ASAP1: variants seen among roughly 807,000 people sequenced by gnomAD.
ASAP1 encodes ArfGAP with SH3 domain, ankyrin repeat and PH domain 1, also known as arf-GAP with SH3 domain, ANK repeat and PH domain-containing protein 1.
In ASAP1, 43 loss-of-function variants were observed where a neutral mutation model predicts 145.2. That is an observed-to-expected ratio of 0.30 (90% CI 0.23 to 0.38). ASAP1 has a LOEUF of 0.38. Among genes scored for constraint, ASAP1 ranks in the 10% least tolerant of loss-of-function variants. ASAP1 has a pLI of 1.00. For missense variants in ASAP1, 1,018 were observed against 1,355.3 expected (o/e 0.75, Z 3.91); for synonymous variants, 546 against 515.5 (o/e 1.06, Z -0.80).
chr8:130,352,529 A>G (rs1230665312), intron 3 of ASAP1, among the ~76,000 whole-genome samples: 2 of 152,198 alleles, frequency 1.3e-5, no homozygotes, highest in Non-Finnish European at 2.9e-5. Context: ...TGAAACTTAA[A>G]TGGAAGGTGA....
At chr8:130,054,926 C>T in intron 29 of ASAP1, 121 bp from the exon 30 acceptor site, 2 of 760,500 alleles carry the variant, frequency 2.6e-6, no homozygotes, top group Admixed American at 1.9e-5. Flanking sequence ...CCCAGGCTTA[C>T]CCTTCTTCCC....
chr8:130,351,498 G>GT (rs1475176880), intron 3 of ASAP1, among the ~76,000 whole-genome samples: 2 of 152,150 alleles, frequency 1.3e-5, no homozygotes, highest in African/African-American at 4.8e-5. Flanking sequence ...CTGAGACTGG[G>GT]TAATTTATAA....
chr8:130,425,922 A>G (rs1490175713), intron 1 of ASAP1, among the ~76,000 whole-genome samples: 2 of 152,156 alleles, frequency 1.3e-5, no homozygotes, highest in African/African-American at 4.8e-5. Context: ...GAAGAAATCC[A>G]TACTTTCAGA....
chr8:130,129,405 T>C (rs1224036525), intron 15 of ASAP1, among the ~76,000 whole-genome samples: 2 of 152,248 alleles, frequency 1.3e-5, no homozygotes, highest in African/African-American at 2.4e-5. Flanking sequence ...GATAGAGGAA[T>C]TGCCCGACTT....
chr8:130,148,163 T>C (rs2097637244), intron 13 of ASAP1, among the ~76,000 whole-genome samples: 1 of 152,158 alleles, frequency 6.6e-6, no homozygotes, highest in South Asian at 2.1e-4. Context: ...GCAGTTCCAC[T>C]GCAAAGAACT....
chr8:130,252,899 TC>T (rs1217932496), intron 3 of ASAP1, among the ~76,000 whole-genome samples: 1 of 151,968 alleles, frequency 6.6e-6, no homozygotes, highest in Non-Finnish European at 1.5e-5. Flanking sequence ...CTGAGTCACA[TC>T]TTTTCAGGAC....
chr8:130,187,962 T>C, intron 6 of ASAP1, 147 bp downstream of exon 6: 1 of 658,684 alleles, frequency 1.5e-6, no homozygotes, highest in Non-Finnish European at 2.6e-6. Context: ...AGGCACATTT[T>C]TTCCAATGAT....
intron 3 of ASAP1, among the ~76,000 whole-genome samples, chr8:130,302,676 C>T (rs572562278): frequency 1.3e-5 from 2 of 152,210 alleles, no homozygotes; most frequent in African/African-American, 2.4e-5. Flanking sequence ...GGGAGGGGCA[C>T]GTGGGGACAT....
intron 3 of ASAP1, among the ~76,000 whole-genome samples, chr8:130,267,800 AAGT>A (rs1820348831): frequency 6.6e-6 from 1 of 152,174 alleles, no homozygotes; most frequent in Non-Finnish European, 1.5e-5. Context: ...ATCTTCCCGT[AAGT>A]AGTCTATACA....
intron 5 of ASAP1, among the ~76,000 whole-genome samples, chr8:130,196,314 C>G (rs1170146614): frequency 6.6e-6 from 1 of 151,622 alleles, no homozygotes; most frequent in Non-Finnish European, 1.5e-5. Context: ...TGTGCTCCAG[C>G]CTGGGTGACA....
intron 1 of ASAP1, among the ~76,000 whole-genome samples, chr8:130,405,576 C>G (rs1051316342): frequency 6.6e-6 from 1 of 152,292 alleles, no homozygotes; most frequent in Admixed American, 6.5e-5. Flanking sequence ...CCCTTGTCAG[C>G]GAGCCTCTTT....
At chr8:130,425,686 G>C (rs1020952608) in intron 1 of ASAP1, among the ~76,000 whole-genome samples, 1 of 152,214 alleles carries the variant, frequency 6.6e-6, no homozygotes. Flanking sequence ...AGGGATCAGA[G>C]AATGACAGGC....
At position 130,116,931 on chromosome 8, in the gene ASAP1, T is replaced by C. The variant is rs764581974; in HGVS notation, c.1945A>G (p.Lys649Glu). Residue 649 changes from lysine (K) to glutamate (E), a missense_variant, in exon 21 of 30, where the codon AAA becomes GAA. Physicochemically the swap from Lys to Glu is moderately conservative, Grantham distance 56 (BLOSUM62 1). Coordinates refer to ENST00000518721, the MANE Select transcript of ASAP1 (RefSeq NM_018482.4). ...AGCAAAAGCTTCAAACACTCAGGTT[T>C]ACTGTACATACTACAGTAGTGTAGA... is the stretch of plus-strand genomic sequence containing the variant. ...TVLHYCSMYS[K>E]PECLKLLLRS... The C allele has an allele frequency of 3.1e-6, 5 of 1,614,108 alleles. No individual in the cohort carries two copies. The highest frequency in any genetic ancestry group is 3.4e-6 in the Non-Finnish European group (4 of 1,179,976).
At chr8:130,262,416 A>AAAAAAAAGAG (rs1819974520) in intron 3 of ASAP1, among the ~76,000 whole-genome samples, 1 of 57,850 alleles carries the variant, frequency 1.7e-5, no homozygotes, top group Non-Finnish European at 3.0e-5. Flanking sequence ...AAAAAAAAAA[A>AAAAAAAAGAG]AGAGAGAGAG....
Position 130,204,461 on chromosome 8 carries a change from C to T in ASAP1, c.405+10095G>A, listed in dbSNP as rs181366968. 1.6e-4 allele frequency among the ~76,000 whole-genome samples: 24 copies of T among 152,214 alleles called. No individual in the cohort carries two copies. The East Asian group carries it at 4.4e-3, about 28-fold the overall frequency. The stretch of plus-strand genomic sequence containing the variant: ...AAATAAGGGTAACTATGGTTACTAC[C>T]TGGTAGGGCTGCTGTGAGGAGTAAA... On this transcript the variant is annotated intron_variant, in intron 5 of 29. Coordinates refer to ENST00000518721, the MANE Select transcript of ASAP1 (RefSeq NM_018482.4).
intron 27 of ASAP1, among the ~76,000 whole-genome samples, chr8:130,070,080 A>C (rs1455739681): frequency 6.6e-6 from 1 of 152,142 alleles, no homozygotes; most frequent in Admixed American, 6.5e-5. Flanking sequence ...TCTGTCGCCC[A>C]GGCTGGAGTG....
At chr8:130,424,290 T>C (rs1365085845) in intron 1 of ASAP1, among the ~76,000 whole-genome samples, 1 of 152,130 alleles carries the variant, frequency 6.6e-6, no homozygotes, top group Non-Finnish European at 1.5e-5. Flanking sequence ...GTCCCAGATC[T>C]CCCAGCCCAG....
chr8:130,427,437 A>C (rs1178243812), intron 1 of ASAP1, among the ~76,000 whole-genome samples: 2 of 152,218 alleles, frequency 1.3e-5, no homozygotes, highest in Non-Finnish European at 2.9e-5. Context: ...GCCCTTGCCG[A>C]GAATCCCACA....
At chr8:130,085,077 A>C (rs2097489686) in intron 25 of ASAP1, among the ~76,000 whole-genome samples, 1 of 152,172 alleles carries the variant, frequency 6.6e-6, no homozygotes, top group Admixed American at 6.5e-5. Flanking sequence ...CTTTCAGTGC[A>C]TGTTATGGTT....
Sources: gnomAD v4.1 joint callset for allele counts (sites outside exome capture counted in the v4.1 genomes callset) on GRCh38, gnomAD v4.1.1 for gene constraint, MANE v1.5 for transcripts, NCBI Gene and HGNC (gene_info 2026-07-23, HGNC 2026-07-21) for gene names.